Variants in HUS1 observed in about 807,000 individuals in gnomAD.
HUS1 encodes the protein checkpoint protein HUS1.
In HUS1, 31 loss-of-function variants were observed where a neutral mutation model predicts 32.6. The ratio of observed to expected loss-of-function variants is 0.95; its 90% confidence interval spans 0.72 to 1.28. The LOEUF is 1.28. Among genes scored for constraint, HUS1 ranks in the 50% most tolerant of loss-of-function variants. The pLI is 0.00. For missense variants in HUS1, 340 were observed against 337.7 expected, an observed-to-expected ratio of 1.01 and a Z score of -0.05; for synonymous variants, 123 against 116.6, an observed-to-expected ratio of 1.06 and a Z score of -0.36.
intron 7 of HUS1, among the ~76,000 whole-genome samples, chr7:47,966,195 G>C (rs2128764250): frequency 6.6e-6 from 1 of 152,250 alleles, no homozygotes; most frequent in African/African-American, 2.4e-5. Context: ...GACTGAGGGT[G>C]GCAGGACCTA....
chr7:47,976,167 C>T, intron 4 of HUS1: 1 of 352,398 alleles, frequency 2.8e-6, no homozygotes, highest in South Asian at 2.2e-5. Context: ...CAGGCTTTTT[C>T]AAAATCAGTG....
At position 47,979,451 on chromosome 7, in the gene HUS1, C is replaced by G. The variant is rs200572947; in HGVS notation, c.52+17G>C. On this transcript the variant is annotated intron_variant, in intron 1 of 7. Transcript: ENST00000258774. ...CCTTCCGTTCCTCCCTCGCTCCTCT[C>G]CGGCCTCCCTGCTCACGTGTGAAGT... is the stretch of plus-strand genomic sequence containing the variant. 1 of 1,613,498 alleles carries G rather than the reference C, an allele frequency of 6.2e-7. No homozygotes were observed. The highest frequency in any genetic ancestry group is 8.5e-7 in the Non-Finnish European group (1 of 1,179,888).
At position 47,978,726 on chromosome 7, in the gene HUS1, G is replaced by A; in HGVS notation, c.143C>T (p.Ala48Val). ...ACACCACATGCTCACTCCTCCATTAGCCAGCTTGTCACAAAGGATGAAGTT... is the reference window on the plus strand; with the variant it reads ...ACACCACATGCTCACTCCTCCATTAACCAGCTTGTCACAAAGGATGAAGTT... ...KLNFILCDKL[A>V]NGGVSMWCEL... Residue 48 changes from alanine (A) to valine (V), a missense_variant, in exon 2 of 8, where the codon GCT becomes GTT. Ala to Val is a moderately conservative substitution (Grantham distance 64). Coordinates refer to ENST00000258774, the MANE Select transcript of HUS1 (RefSeq NM_004507.4). 1 of 1,614,202 alleles carries A rather than the reference G, an allele frequency of 6.2e-7. No homozygotes were observed. The highest frequency in any genetic ancestry group is 8.5e-7 in the Non-Finnish European group (1 of 1,180,030).
intron 5 of HUS1, among the ~76,000 whole-genome samples, chr7:47,974,431 G>C (rs764702551): frequency 1.2e-4 from 19 of 152,206 alleles, no homozygotes; most frequent in Non-Finnish European, 2.4e-4. Context: ...GCCTTCCAGG[G>C]AGATGGAGAG....
chr7:47,974,024 G>C lies in HUS1; in HGVS notation c.540+1589C>G, dbSNP rs557175009. On this transcript the variant is annotated intron_variant, in intron 5 of 7. Transcript: ENST00000258774. The stretch of plus-strand genomic sequence containing the variant: ...AGTGCACACTGCTTCATGGAAAACA[G>C]ATTTTATAGATTAAGTTATGAAGGA... Among the ~76,000 whole-genome samples the C allele has an allele frequency of 1.8e-4, 28 of 152,324 alleles. No homozygotes were observed. The South Asian group carries it at 3.7e-3, about 20-fold the overall frequency.
rs987286035 is a variant in HUS1, at chr7:47,964,657, A to G, written c.*699T>C. ...ACTGTGGAAGAAAGAAATATAAGGA[A>G]TTACAACCTAAACCCAAAACTGGCC... On this transcript the variant is annotated 3_prime_UTR_variant, in exon 8 of 8. Coordinates refer to ENST00000258774, the MANE Select transcript of HUS1 (RefSeq NM_004507.4). 3 of 152,270 alleles carry G rather than the reference A, an allele frequency of 2.0e-5. No homozygotes were observed. The highest frequency in any genetic ancestry group is 4.4e-5 in the Non-Finnish European group (3 of 68,062). 9.4% of individuals were successfully genotyped at this position (152,270 alleles called of 1,614,324 possible).
rs1287371031 is a variant in HUS1, at chr7:47,970,518, G to T, written c.541-1200C>A. 3.3e-5 allele frequency among the ~76,000 whole-genome samples: 5 copies of T among 152,146 alleles called. No homozygotes were observed. The East Asian group carries it at 9.7e-4, about 29-fold the overall frequency. Reference sequence around the variant, plus strand: ...ACCAAACAGAAACAAAGAGTTAAAAGGATCTGACAGAAAATAATAAAGACA... The same window carrying T: ...ACCAAACAGAAACAAAGAGTTAAAATGATCTGACAGAAAATAATAAAGACA... On this transcript the variant is annotated intron_variant, in intron 5 of 7. Coordinates refer to ENST00000258774, the MANE Select transcript of HUS1 (RefSeq NM_004507.4).
In HUS1 at chr7:47,979,545, G is replaced by C; in HGVS notation, c.-26C>G. The C allele has an allele frequency of 2.5e-6, 4 of 1,579,688 alleles. No homozygotes were observed. Among genetic ancestry groups the C allele is most frequent in the Non-Finnish European group, 3.5e-6 (4 of 1,152,724 alleles). ...GGCCGCGGATGGCGCAGCCGCGGCG[G>C]GCCTCTGTGGGTAACAGAAAAGCGT... On this transcript the variant is annotated 5_prime_UTR_variant, in exon 1 of 8. Coordinates refer to ENST00000258774, the MANE Select transcript of HUS1 (RefSeq NM_004507.4).
In HUS1 at chr7:47,969,456, C is replaced by T. The variant is rs918994419; in HGVS notation, c.541-138G>A. 113 of 609,286 alleles carry T rather than the reference C, an allele frequency of 1.9e-4. 1 individual carries two copies. The highest frequency in any genetic ancestry group is 8.8e-4 in the Middle Eastern group (3 of 3,418). 37.7% of individuals were successfully genotyped at this position (609,286 alleles called of 1,614,324 possible). ...ACACCTCAGAGCACACTGAGACCCC[C>T]GTGCTATCAGGGAAAGTGAGAAGAT... is the stretch of plus-strand genomic sequence containing the variant. On this transcript the variant is annotated intron_variant, in intron 5 of 7. Transcript: ENST00000258774.
At chr7:47,979,174 G>C (rs1442913747) in intron 1 of HUS1, among the ~76,000 whole-genome samples, 1 of 152,146 alleles carries the variant, frequency 6.6e-6, no homozygotes, top group African/African-American at 2.4e-5. Flanking sequence ...GTCAATGCCT[G>C]ATAAAGCCGT....
chr7:47,967,028 C>G (rs1788493712), intron 7 of HUS1, among the ~76,000 whole-genome samples: 2 of 152,320 alleles, frequency 1.3e-5, no homozygotes, highest in South Asian at 4.1e-4. Context: ...ACATTGCCAC[C>G]TAGAATCTTC....
chr7:47,965,263 GCT>G lies in HUS1; in HGVS notation c.*91_*92del. 1 of 801,116 alleles carries G rather than the reference GCT, an allele frequency of 1.2e-6. No homozygotes were observed. The highest frequency in any genetic ancestry group is 2.2e-6 in the Non-Finnish European group (1 of 450,264). The allele number at this position is 801,116 out of a possible 1,614,324, so 49.6% of individuals were successfully genotyped here. A position where few individuals can be genotyped will look rare whatever the true frequency, so the allele number is the denominator to read the frequency against. ...TAAGTACAGTGTGTCGATGTGCGGT[GCT>G]GTGAGGGCACAGACCAGTGATCAGA... is the stretch of plus-strand genomic sequence containing the variant. On this transcript the variant is annotated 3_prime_UTR_variant, in exon 8 of 8. Coordinates refer to ENST00000258774, the MANE Select transcript of HUS1 (RefSeq NM_004507.4).
At position 47,978,753 on chromosome 7, in the gene HUS1, A is replaced by T; in HGVS notation, c.116T>A (p.Leu39His). ...TCTLRISPDK[L>H]NFILCDKLAN... ...CAGCTTGTCACAAAGGATGAAGTTA[A>T]GCTTATCAGGGCTGATGCGGAGGGT... The change falls in exon 2 of 8, where the codon CTT (leucine) becomes CAT (histidine). Residue 39 changes from leucine to histidine, a missense_variant. Physicochemically the swap from Leu to His is moderately conservative, Grantham distance 99. Transcript: ENST00000258774. 6.2e-7 allele frequency: 1 copy of T among 1,614,266 alleles called. No homozygotes were observed. Among genetic ancestry groups the T allele is most frequent in the Non-Finnish European group, 8.5e-7 (1 of 1,180,044 alleles).
intron 4 of HUS1, 139 bp downstream of exon 4, chr7:47,976,585 GTAAATA>G (rs1788708964): frequency 1.5e-6 from 1 of 659,994 alleles, no homozygotes; most frequent in South Asian, 1.7e-5. Flanking sequence ...GATGCTTTAT[GTAAATA>G]ACAAAAGGCA....
intron 5 of HUS1, among the ~76,000 whole-genome samples, chr7:47,973,728 C>T (rs1474775772): frequency 6.6e-6 from 1 of 152,176 alleles, no homozygotes; most frequent in Non-Finnish European, 1.5e-5. Flanking sequence ...AGTAGCCTCT[C>T]CACAATATTT....
chr7:47,966,759 C>T (rs1436862798), intron 7 of HUS1, among the ~76,000 whole-genome samples: 1 of 152,218 alleles, frequency 6.6e-6, no homozygotes, highest in East Asian at 1.9e-4. Context: ...TCCCACTATG[C>T]TCAGCCCTAG....
chr7:47,972,667 C>T (rs3176552), intron 5 of HUS1, among the ~76,000 whole-genome samples: 1,527 of 121,716 alleles, frequency 0.013, 18 homozygotes, highest in African/African-American at 0.039. Context: ...TAAAAACTGA[C>T]GAAGCCCCTG....
intron 7 of HUS1, among the ~76,000 whole-genome samples, chr7:47,966,604 C>A (rs1788484136): frequency 6.6e-6 from 1 of 152,196 alleles, no homozygotes; most frequent in Non-Finnish European, 1.5e-5. Context: ...AGGGTCTGGG[C>A]ATTGTACAGG....
chr7:47,967,810 T>A lies in HUS1; in HGVS notation c.756A>T (p.Leu252Phe). The A allele has an allele frequency of 3.7e-6, 6 of 1,612,998 alleles. No individual in the cohort carries two copies. The highest frequency in any genetic ancestry group is 5.1e-6 in the Non-Finnish European group (6 of 1,179,678). The change falls in exon 7 of 8, where the codon TTA (leucine) becomes TTT (phenylalanine). Residue 252 changes from leucine (L) to phenylalanine (F), a missense_variant. Coordinates refer to ENST00000258774, the MANE Select transcript of HUS1 (RefSeq NM_004507.4). ...AAAACAGAGAAGCACACTCACTGCA[T>A]AAGGCCTTTGTGGGATTTACTTGTT... is the stretch of plus-strand genomic sequence containing the variant. Reference protein sequence around the residue: ...AGQQVNPTKALCNIVNNKMVH... With the variant: ...AGQQVNPTKAFCNIVNNKMVH...
Sources: allele counts gnomAD v4.1 joint callset (sites outside exome capture counted in the v4.1 genomes callset), GRCh38; gene constraint gnomAD v4.1.1; transcripts MANE v1.5; gene names NCBI Gene and HGNC (gene_info 2026-07-23, HGNC 2026-07-21).